FXYD6: variants seen among roughly 807,000 people sequenced by gnomAD.
FXYD6 encodes FXYD domain containing ion transport regulator 6.
A neutral mutation model predicts 16.7 loss-of-function variants in FXYD6; 7 were observed. That is an observed-to-expected ratio of 0.42 (90% CI 0.24 to 0.79). The LOEUF (loss-of-function observed/expected upper bound fraction) is 0.79. FXYD6 is among the 30% of genes least tolerant of loss of function. The probability of loss-of-function intolerance (pLI) is 0.28; values close to 1 mark genes in which losing one functional copy is unlikely to be tolerated. For missense variants in FXYD6, 111 were observed against 116.2 expected (o/e 0.95, Z 0.21); for synonymous variants, 49 against 43.0 (o/e 1.14, Z -0.54).
chr11:117,841,611 A>C, intron 4 of FXYD6, 180 bp downstream of exon 4: 1 of 649,268 alleles, frequency 1.5e-6, no homozygotes. Context: ...TTCCCGTGTC[A>C]CTGTTTTACT....
chr11:117,866,868 G>A (rs1002166716), intron 1 of FXYD6, among the ~76,000 whole-genome samples: 3 of 152,224 alleles, frequency 2.0e-5, no homozygotes, highest in East Asian at 1.9e-4. Flanking sequence ...GGGCTGCAGA[G>A]CTGCAGATCA....
At chr11:117,855,864 C>T (rs1481796306) in intron 1 of FXYD6, among the ~76,000 whole-genome samples, 1 of 152,222 alleles carries the variant, frequency 6.6e-6, no homozygotes, top group African/African-American at 2.4e-5. Context: ...CTGGCTGCTT[C>T]ACTCTCTTGC....
intron 1 of FXYD6, among the ~76,000 whole-genome samples, chr11:117,849,949 G>T (rs1348745660): frequency 6.6e-6 from 1 of 152,098 alleles, no homozygotes; most frequent in Non-Finnish European, 1.5e-5. Context: ...TGCTCCGAAG[G>T]GTAGCCTTTG....
At chr11:117,859,202 G>C (rs573415375) in intron 1 of FXYD6, among the ~76,000 whole-genome samples, 1 of 152,170 alleles carries the variant, frequency 6.6e-6, no homozygotes, top group East Asian at 1.9e-4. Flanking sequence ...AGTGTGTCCC[G>C]ACCGCAGGTC....
intron 1 of FXYD6, among the ~76,000 whole-genome samples, chr11:117,866,081 G>A (rs755991385): frequency 6.6e-6 from 1 of 152,212 alleles, no homozygotes; most frequent in Non-Finnish European, 1.5e-5. Flanking sequence ...TATGAGGCAC[G>A]TAGAGTAGTC....
At chr11:117,841,242 A>G (rs933190330) in intron 4 of FXYD6, 58 bp from the exon 5 acceptor site, 18 of 1,612,902 alleles carry the variant, frequency 1.1e-5, no homozygotes, top group Non-Finnish European at 1.5e-5. Context: ...AGCAGGGCCA[A>G]GGGTCTGTGC....
intron 7 of FXYD6, chr11:117,838,613 T>G (rs2056254680): frequency 6.8e-6 from 2 of 292,304 alleles, no homozygotes; most frequent in Non-Finnish European, 1.3e-5. Context: ...CCAGGCTGCC[T>G]CCTCTGAGCC....
intron 1 of FXYD6, among the ~76,000 whole-genome samples, chr11:117,875,084 G>C (rs1056356725): frequency 7.0e-6 from 1 of 143,538 alleles, no homozygotes; most frequent in African/African-American, 2.5e-5. Flanking sequence ...AGCCCAGCCT[G>C]AGACTTATTT....
At chr11:117,858,632 TTTCTTTCTTTCTTTC>T (rs2056796537) in intron 1 of FXYD6, among the ~76,000 whole-genome samples, 4 of 20,052 alleles carry the variant, frequency 2.0e-4, no homozygotes. Flanking sequence ...CATTTTCTTT[TTTCTTTCTTTCTTTC>T]TTTCTTTCTT....
At chr11:117,875,434 G>A (rs1457624010) in intron 1 of FXYD6, among the ~76,000 whole-genome samples, 2 of 152,006 alleles carry the variant, frequency 1.3e-5, no homozygotes, top group Non-Finnish European at 2.9e-5. Flanking sequence ...GAGGGGAGGA[G>A]ATATGGAGGT....
intron 1 of FXYD6, among the ~76,000 whole-genome samples, chr11:117,858,743 T>TC (rs2056829103): frequency 8.0e-6 from 1 of 125,676 alleles, no homozygotes; most frequent in Non-Finnish European, 1.7e-5. Flanking sequence ...CTTCCTTCCT[T>TC]CCTTCCTTCC....
In FXYD6 at chr11:117,863,132, G is replaced by A. The variant is rs183973544; in HGVS notation, c.-6+13460C>T. Among the ~76,000 whole-genome samples, 3 of 152,244 alleles carry A rather than the reference G, an allele frequency of 2.0e-5. No homozygotes were observed. The East Asian group carries it at 5.8e-4, about 29-fold the overall frequency. On this transcript the variant is annotated intron_variant, in intron 1 of 7. Coordinates refer to ENST00000526014, the MANE Select transcript of FXYD6 (RefSeq NM_022003.4). ...GGCTCAGGCTTATGCTATTGCCCAA[G>A]GCCCAACAGCTAACAAAAGCATACC... is the stretch of plus-strand genomic sequence containing the variant.
Position 117,837,257 on chromosome 11 carries a change from G to A in FXYD6, c.*1042C>T, listed in dbSNP as rs2056220884. On this transcript the variant is annotated 3_prime_UTR_variant, in exon 8 of 8. Coordinates refer to ENST00000526014, the MANE Select transcript of FXYD6 (RefSeq NM_022003.4). The surrounding 1 kb of genome is among the most constrained non-coding windows in gnomAD (Gnocchi z 4.4). ...AGCAAAGGATGCGGGAGTTGCCTCT[G>A]CTGCCCATCTAAGGGGACGTAGGCA... 6.6e-6 allele frequency: 1 copy of A among 152,192 alleles called. No homozygotes were observed. The highest frequency in any genetic ancestry group is 1.5e-5 in the Non-Finnish European group (1 of 68,072). 9.4% of individuals were successfully genotyped at this position (152,192 alleles called of 1,614,324 possible).
chr11:117,859,888 C>A (rs373677201), intron 1 of FXYD6, among the ~76,000 whole-genome samples: 1 of 152,196 alleles, frequency 6.6e-6, no homozygotes, highest in East Asian at 1.9e-4. Context: ...CTCAGATCCA[C>A]GCTACAGCAA....
chr11:117,849,291 T>C (rs1343209867), intron 1 of FXYD6, among the ~76,000 whole-genome samples: 2 of 152,236 alleles, frequency 1.3e-5, no homozygotes, highest in Admixed American at 1.3e-4. Context: ...AATATCCAAA[T>C]ATATAGTGAT....
At chr11:117,849,945 G>A (rs1279934454) in intron 1 of FXYD6, among the ~76,000 whole-genome samples, 2 of 152,122 alleles carry the variant, frequency 1.3e-5, no homozygotes, top group African/African-American at 2.4e-5. Context: ...CAAGTGCTCC[G>A]AAGGGTAGCC....
intron 1 of FXYD6, among the ~76,000 whole-genome samples, chr11:117,847,296 A>G (rs2056492525): frequency 1.3e-5 from 2 of 152,158 alleles, no homozygotes; most frequent in Admixed American, 6.5e-5. Context: ...ATCATCTTCA[A>G]ATGATATTGT....
chr11:117,840,886 G>C (rs997378216), intron 5 of FXYD6, among the ~76,000 whole-genome samples: 1 of 152,006 alleles, frequency 6.6e-6, no homozygotes, highest in African/African-American at 2.4e-5. Flanking sequence ...CTCCAGAAAA[G>C]GTTCCAGTAC....
At chr11:117,857,790 G>A (rs900417079) in intron 1 of FXYD6, among the ~76,000 whole-genome samples, 2 of 152,116 alleles carry the variant, frequency 1.3e-5, no homozygotes, top group African/African-American at 4.8e-5. Context: ...TGATCTATTC[G>A]TGCTAAGCAA....
Sources: allele counts gnomAD v4.1 joint callset (sites outside exome capture counted in the v4.1 genomes callset), GRCh38; gene constraint gnomAD v4.1.1; non-coding constraint Gnocchi (gnomAD v3.1); transcripts MANE v1.5; gene names NCBI Gene and HGNC (gene_info 2026-07-23, HGNC 2026-07-21).